The following DNAJC1 variants were observed in gnomAD, a reference collection of about 807,000 sequenced individuals.
DNAJC1 encodes dnaJ homolog subfamily C member 1.
In DNAJC1, 58 loss-of-function variants were observed where a neutral mutation model predicts 76.6. The observed-to-expected ratio is 0.76, with a 90% CI of 0.61 to 0.94. DNAJC1 has a LOEUF of 0.94. DNAJC1 is among the 40% of genes least tolerant of loss of function. The probability of loss-of-function intolerance (pLI) is 0.00; values close to 1 mark genes in which losing one functional copy is unlikely to be tolerated. For synonymous variants in DNAJC1, 258 were observed against 267.9 expected (o/e 0.96, Z 0.36); for missense variants, 689 against 677.3 (o/e 1.02, Z -0.19).
At chr10:21,839,795 C>CA (rs975664820) in intron 8 of DNAJC1, among the ~76,000 whole-genome samples, 1 of 151,956 alleles carries the variant, frequency 6.6e-6, no homozygotes, top group Admixed American at 6.6e-5. Flanking sequence ...AGAGACACAA[C>CA]AAAAAAAGAG....
At chr10:21,893,661 GAC>G (rs933084174) in intron 7 of DNAJC1, among the ~76,000 whole-genome samples, 2 of 151,536 alleles carry the variant, frequency 1.3e-5, no homozygotes, top group African/African-American at 2.4e-5. Flanking sequence ...AAATATATGA[GAC>G]ATAGCCAAAG....
At chr10:21,775,808 C>G (rs1834448312) in intron 9 of DNAJC1, among the ~76,000 whole-genome samples, 1 of 152,084 alleles carries the variant, frequency 6.6e-6, no homozygotes, top group African/African-American at 2.4e-5. Context: ...ATATAGGTTT[C>G]ACACAGATGA....
At chr10:21,982,740 C>G (rs10764328) in intron 1 of DNAJC1, among the ~76,000 whole-genome samples, 77 of 151,392 alleles carry the variant, frequency 5.1e-4, no homozygotes, top group Non-Finnish European at 8.8e-4. Context: ...AAAGTAAAAA[C>G]TAAGTACTGA....
intron 8 of DNAJC1, among the ~76,000 whole-genome samples, chr10:21,833,935 T>C (rs1029485122): frequency 6.6e-6 from 1 of 152,092 alleles, no homozygotes; most frequent in Admixed American, 6.6e-5. Flanking sequence ...AAGATCACTG[T>C]AGGGTAAGTT....
chr10:21,917,920 TA>T (rs1192983488), intron 6 of DNAJC1, among the ~76,000 whole-genome samples: 1 of 151,884 alleles, frequency 6.6e-6, no homozygotes, highest in African/African-American at 2.4e-5. Flanking sequence ...TTAGCTTCCT[TA>T]AAAAATCAGG....
intron 7 of DNAJC1, among the ~76,000 whole-genome samples, chr10:21,889,139 T>G (rs958006795): frequency 5.9e-5 from 9 of 152,092 alleles, no homozygotes; most frequent in African/African-American, 1.9e-4. Context: ...TGGGGAAGTC[T>G]CAGGAAACTT....
intron 9 of DNAJC1, among the ~76,000 whole-genome samples, chr10:21,782,109 G>T (rs1436470722): frequency 1.3e-5 from 2 of 152,038 alleles, no homozygotes; most frequent in Non-Finnish European, 2.9e-5. Flanking sequence ...TCCAGAAGCT[G>T]GTTTTTTGAA....
chr10:21,813,183 TCTCTCTCTC>T (rs1183228456), intron 8 of DNAJC1, among the ~76,000 whole-genome samples: 4 of 17,978 alleles, frequency 2.2e-4, no homozygotes, highest in African/African-American at 1.4e-3. Flanking sequence ...TCCCTCTCTC[TCTCTCTCTC>T]TCTCTCTCTC....
chr10:21,952,704 A>G (rs1837619797), intron 1 of DNAJC1, among the ~76,000 whole-genome samples: 1 of 152,140 alleles, frequency 6.6e-6, no homozygotes, highest in Admixed American at 6.6e-5. Context: ...GCTTGCAGTG[A>G]GCTGAGATTG....
At chr10:21,813,099 A>ATATC (rs1834999620) in intron 8 of DNAJC1, among the ~76,000 whole-genome samples, 1 of 131,102 alleles carries the variant, frequency 7.6e-6, no homozygotes, top group Non-Finnish European at 1.5e-5. Flanking sequence ...ACACACACAT[A>ATATC]TATATATATA....
At chr10:21,844,052 C>T (rs557547209) in intron 8 of DNAJC1, among the ~76,000 whole-genome samples, 33 of 152,148 alleles carry the variant, frequency 2.2e-4, no homozygotes, top group Non-Finnish European at 3.7e-4. Flanking sequence ...AGCTCTCTTG[C>T]CTGCTGCCAT....
chr10:21,934,625 T>C (rs935535373), intron 1 of DNAJC1, among the ~76,000 whole-genome samples: 6 of 152,198 alleles, frequency 3.9e-5, no homozygotes, highest in African/African-American at 9.6e-5. Flanking sequence ...ACAAATACTT[T>C]TGTGTTACAA....
At chr10:21,962,491 T>C (rs1008723982) in intron 1 of DNAJC1, among the ~76,000 whole-genome samples, 2 of 131,880 alleles carry the variant, frequency 1.5e-5, no homozygotes, top group Non-Finnish European at 3.2e-5. Context: ...TTGAGACAGT[T>C]ATCTCACTCT....
At chr10:21,911,722 A>C (rs966907618) in intron 6 of DNAJC1, among the ~76,000 whole-genome samples, 1 of 152,238 alleles carries the variant, frequency 6.6e-6, no homozygotes, top group Non-Finnish European at 1.5e-5. Context: ...TGATGGTTTA[A>C]CAGAACAACT....
chr10:22,001,309 CA>C (rs1158050330), intron 1 of DNAJC1, among the ~76,000 whole-genome samples: 1 of 152,130 alleles, frequency 6.6e-6, no homozygotes, highest in Non-Finnish European at 1.5e-5. Context: ...TTGTCTCCAC[CA>C]AATTTCTGGT....
At chr10:21,778,918 G>A (rs915533800) in intron 9 of DNAJC1, among the ~76,000 whole-genome samples, 5 of 152,208 alleles carry the variant, frequency 3.3e-5, no homozygotes, top group African/African-American at 9.6e-5. Flanking sequence ...TTTTCCAACC[G>A]TCTTAGCAAA....
At chr10:21,964,794 G>A (rs1323303897) in intron 1 of DNAJC1, among the ~76,000 whole-genome samples, 1 of 151,180 alleles carries the variant, frequency 6.6e-6, no homozygotes, top group Non-Finnish European at 1.5e-5. Flanking sequence ...GCTTCACTTG[G>A]CATAGAATTC....
intron 8 of DNAJC1, among the ~76,000 whole-genome samples, chr10:21,822,571 A>G (rs955868118): frequency 1.3e-5 from 2 of 152,154 alleles, no homozygotes; most frequent in Admixed American, 6.5e-5. Flanking sequence ...AATTTTCTTA[A>G]GTTCACAAGG....
chr10:22,000,660 A>C (rs999185564), intron 1 of DNAJC1, among the ~76,000 whole-genome samples: 8 of 152,184 alleles, frequency 5.3e-5, no homozygotes, highest in African/African-American at 1.9e-4. Flanking sequence ...TCTAATCCCC[A>C]TTGTGACAGT....
Sources: allele counts gnomAD v4.1 joint callset (sites outside exome capture counted in the v4.1 genomes callset), GRCh38; gene constraint gnomAD v4.1.1; transcripts MANE v1.5; gene names NCBI Gene and HGNC (gene_info 2026-07-23, HGNC 2026-07-21).